The following AGTPBP1 variants were observed in gnomAD, a reference collection of about 807,000 sequenced individuals.
AGTPBP1 encodes cytosolic carboxypeptidase 1.
In AGTPBP1, 70 loss-of-function variants were observed where a neutral mutation model predicts 143.9. That is an observed-to-expected ratio of 0.49 (90% CI 0.40 to 0.59). AGTPBP1 has a LOEUF of 0.59. Ranked by LOEUF, AGTPBP1 falls within the 20% of genes least tolerant of loss-of-function variation. The pLI is 0.00. For missense variants in AGTPBP1, 1,229 were observed against 1,464.5 expected (o/e 0.84, Z 2.62); for synonymous variants, 463 against 500.2 (o/e 0.93, Z 0.99).
At chr9:85,662,566 G>A (rs902663523) in intron 8 of AGTPBP1, among the ~76,000 whole-genome samples, 12 of 152,026 alleles carry the variant, frequency 7.9e-5, no homozygotes, top group South Asian at 2.1e-4. Flanking sequence ...ATGAGACTGC[G>A]ATTTATAAAA....
chr9:85,775,685 A>G, the AGTPBP1 span, among the ~76,000 whole-genome samples: 1 of 151,956 alleles, frequency 6.6e-6, no homozygotes, highest in East Asian at 1.9e-4. Flanking sequence ...GGAGCAAGGA[A>G]GCCAGTCCAA....
intron 15 of AGTPBP1, among the ~76,000 whole-genome samples, chr9:85,619,536 T>A (rs548171376): frequency 2.0e-5 from 3 of 152,308 alleles, no homozygotes; most frequent in South Asian, 2.1e-4. Context: ...AGTAAGAACT[T>A]TTGCCTCACT....
chr9:85,750,526 A>T, the AGTPBP1 span, among the ~76,000 whole-genome samples: 1,273 of 152,322 alleles, frequency 8.4e-3, 8 homozygotes, highest in Middle Eastern at 0.024. Flanking sequence ...AAATGTAAAC[A>T]CTTCCTTTAA....
intron 25 of AGTPBP1, among the ~76,000 whole-genome samples, chr9:85,570,944 A>G (rs1463322322): frequency 6.6e-6 from 1 of 152,220 alleles, no homozygotes. Context: ...AGATAATGAC[A>G]GCCAGGTTTC....
chr9:85,551,721 G>T (rs559284820), intron 25 of AGTPBP1, among the ~76,000 whole-genome samples: 1 of 152,090 alleles, frequency 6.6e-6, no homozygotes, highest in Admixed American at 6.5e-5. Context: ...TAATTTCAAC[G>T]TATGTTTTGA....
At chr9:85,787,049 T>C in the AGTPBP1 span, among the ~76,000 whole-genome samples, 1 of 152,154 alleles carries the variant, frequency 6.6e-6, no homozygotes, top group South Asian at 2.1e-4. Flanking sequence ...CTGCTGCATA[T>C]GTGGGCTAAG....
At chr9:85,551,490 T>C (rs904532692) in intron 25 of AGTPBP1, among the ~76,000 whole-genome samples, 3 of 152,210 alleles carry the variant, frequency 2.0e-5, no homozygotes, top group Non-Finnish European at 4.4e-5. Context: ...AAATCACAAG[T>C]GCCTTTAAGA....
chr9:85,700,906 A>T (rs1836598714), intron 2 of AGTPBP1, among the ~76,000 whole-genome samples: 1 of 152,180 alleles, frequency 6.6e-6, no homozygotes, highest in Non-Finnish European at 1.5e-5. Flanking sequence ...TATATATATT[A>T]AACACACTAT....
At chr9:85,753,187 G>C in the AGTPBP1 span, 2 of 1,378,820 alleles carry the variant, frequency 1.5e-6, no homozygotes, top group East Asian at 2.6e-5. Context: ...CTGCACTCCA[G>C]CCTGGGTGAC....
Position 85,632,999 on chromosome 9 carries a change from G to C in AGTPBP1, c.1678C>G (p.Leu560Val). The change falls in exon 14 of 26, where the codon CTT becomes GTT. Residue 560 changes from leucine (L) to valine (V), a missense_variant. Leu to Val is a conservative substitution (Grantham distance 32). This residue lies in a region of AGTPBP1 where 743 missense variants were observed against 812.2 expected (regional missense o/e 0.91). Coordinates refer to ENST00000357081, the MANE Select transcript of AGTPBP1 (RefSeq NM_001330701.2). The stretch of plus-strand genomic sequence containing the variant: ...GCACAGGTAAGGACAGTAAGAGGAA[G>C]ACTGCAGTCCTTCTTCATTTCTGCA... ...FTAEMKKDCS[L>V]PLTVLTCAKA... 6.2e-7 allele frequency: 1 copy of C among 1,614,148 alleles called. No homozygotes were observed. Among genetic ancestry groups the C allele is most frequent in the Non-Finnish European group, 8.5e-7 (1 of 1,180,018 alleles).
chr9:85,684,478 C>T (rs1760081816), intron 3 of AGTPBP1, among the ~76,000 whole-genome samples: 1 of 152,000 alleles, frequency 6.6e-6, no homozygotes, highest in Admixed American at 6.6e-5. Context: ...CCAATAAATA[C>T]ACTTTTTATT....
chr9:85,567,183 G>A (rs1394498160), intron 25 of AGTPBP1, among the ~76,000 whole-genome samples: 1 of 152,178 alleles, frequency 6.6e-6, no homozygotes, highest in Non-Finnish European at 1.5e-5. Flanking sequence ...AGGATCATGA[G>A]AAACAGTGGA....
intron 23 of AGTPBP1, 110 bp from the exon 24 acceptor site, chr9:85,579,206 G>T (rs563026438): frequency 1.8e-6 from 2 of 1,091,112 alleles, no homozygotes; most frequent in Admixed American, 3.2e-5. Flanking sequence ...AAAGCCATGT[G>T]GATGTTCTAT....
chr9:85,642,239 T>C (rs1315314884), intron 13 of AGTPBP1, among the ~76,000 whole-genome samples: 1 of 152,112 alleles, frequency 6.6e-6, no homozygotes, highest in South Asian at 2.1e-4. Context: ...TCAATCAACT[T>C]GACTTGCTCT....
Position 85,633,137 on chromosome 9 carries a change from C to T in AGTPBP1, c.1540G>A (p.Gly514Ser). The change falls in exon 14 of 26, where the codon GGT becomes AGT. Residue 514 changes from glycine (G) to serine (S), a missense_variant. Gly to Ser is a moderately conservative substitution (Grantham distance 56, BLOSUM62 0). Transcript: ENST00000357081. The stretch of plus-strand genomic sequence containing the variant: ...GATGAAATAGTTCTATTTTGATCAC[C>T]TGGCTGCTGTTGTAATGTTCTATCA... ...DNDRTLQQQPGDQNRTISSVH... is the reference protein window; with the variant it reads ...DNDRTLQQQPSDQNRTISSVH... 6.2e-7 allele frequency: 1 copy of T among 1,613,998 alleles called. No individual in the cohort carries two copies. The highest frequency in any genetic ancestry group is 8.5e-7 in the Non-Finnish European group (1 of 1,179,986).
At chr9:85,552,446 T>G (rs1315112139) in intron 25 of AGTPBP1, among the ~76,000 whole-genome samples, 1 of 152,172 alleles carries the variant, frequency 6.6e-6, no homozygotes, top group African/African-American at 2.4e-5. Flanking sequence ...CACCAGAATG[T>G]ACATCTTCGG....
intron 25 of AGTPBP1, among the ~76,000 whole-genome samples, chr9:85,572,188 G>A (rs1471792005): frequency 6.6e-6 from 1 of 151,724 alleles, no homozygotes; most frequent in African/African-American, 2.4e-5. Flanking sequence ...CATCATGCTT[G>A]GCTAAATTTT....
intron 14 of AGTPBP1, among the ~76,000 whole-genome samples, chr9:85,629,772 G>C (rs981533253): frequency 2.0e-5 from 3 of 152,180 alleles, no homozygotes; most frequent in African/African-American, 7.2e-5. Flanking sequence ...CAGAAGCACT[G>C]CTTGGGAGGG....
the AGTPBP1 span, among the ~76,000 whole-genome samples, chr9:85,759,335 A>G: frequency 2.0e-5 from 3 of 152,190 alleles, no homozygotes; most frequent in Admixed American, 2.0e-4. Flanking sequence ...TCAGCACCAC[A>G]TCACACTTAT....
Sources: gnomAD v4.1 joint callset for allele counts (sites outside exome capture counted in the v4.1 genomes callset) on GRCh38, gnomAD v4.1.1 for gene constraint, gnomAD v4.1.1 regional missense constraint, MANE v1.5 for transcripts, NCBI Gene and HGNC (gene_info 2026-07-23, HGNC 2026-07-21) for gene names.